The following ULK4 variants were observed in gnomAD, a reference collection of about 807,000 sequenced individuals.
ULK4 encodes unc-51 like kinase 4.
A neutral mutation model predicts 160.6 loss-of-function variants in ULK4; 133 were observed. That is an observed-to-expected ratio of 0.83 (90% CI 0.72 to 0.96). ULK4 has a LOEUF of 0.96. Ranked by LOEUF, ULK4 falls within the 40% of genes least tolerant of loss-of-function variation. The probability of loss-of-function intolerance (pLI) is 0.00; values close to 1 mark genes in which losing one functional copy is unlikely to be tolerated. For missense variants in ULK4, 1,580 were observed against 1,499.5 expected, an observed-to-expected ratio of 1.05 and a Z score of -0.89; for synonymous variants, 534 against 539.8, an observed-to-expected ratio of 0.99 and a Z score of 0.15.
chr3:41,723,299 G>C (rs185208073), intron 22 of ULK4, among the ~76,000 whole-genome samples: 9 of 151,988 alleles, frequency 5.9e-5, no homozygotes, highest in Admixed American at 1.3e-4. Context: ...TCTCCCATTG[G>C]GTTGTTGATC....
At chr3:41,598,413 A>C (rs1220575121) in intron 31 of ULK4, among the ~76,000 whole-genome samples, 11 of 152,232 alleles carry the variant, frequency 7.2e-5, no homozygotes, top group Admixed American at 7.2e-4. Context: ...AGACAGATAG[A>C]GAAACATATG....
At chr3:41,683,743 T>C (rs1053452810) in intron 27 of ULK4, among the ~76,000 whole-genome samples, 10 of 151,980 alleles carry the variant, frequency 6.6e-5, no homozygotes, top group African/African-American at 9.7e-5. Flanking sequence ...TCAACCTCAA[T>C]AGACACCCAC....
chr3:41,402,297 G>A (rs182271116), intron 34 of ULK4, among the ~76,000 whole-genome samples: 166 of 152,254 alleles, frequency 1.1e-3, no homozygotes, highest in African/African-American at 3.8e-3. Context: ...TGTGTCACCT[G>A]TAAATACAGA....
intron 34 of ULK4, among the ~76,000 whole-genome samples, chr3:41,411,624 G>T (rs1377077314): frequency 1.3e-5 from 2 of 151,800 alleles, no homozygotes; most frequent in Admixed American, 6.6e-5. Flanking sequence ...GTAGAGACAG[G>T]GTTTCACCAT....
chr3:41,623,908 A>G (rs990747712), intron 30 of ULK4, among the ~76,000 whole-genome samples: 1 of 152,204 alleles, frequency 6.6e-6, no homozygotes, highest in Non-Finnish European at 1.5e-5. Context: ...AAGTATACAC[A>G]TATCATAACA....
intron 31 of ULK4, among the ~76,000 whole-genome samples, chr3:41,601,574 G>GA (rs1471448134): frequency 6.6e-6 from 1 of 152,072 alleles, no homozygotes; most frequent in Non-Finnish European, 1.5e-5. Flanking sequence ...CTCAGCCACA[G>GA]AATCAAGGTT....
intron 1 of ULK4, among the ~76,000 whole-genome samples, chr3:41,955,255 A>G (rs1437959526): frequency 6.6e-6 from 1 of 152,252 alleles, no homozygotes; most frequent in Admixed American, 6.5e-5. Flanking sequence ...GCACCACTGC[A>G]CTCCAACCAG....
At chr3:41,446,564 A>G (rs1267945631) in intron 34 of ULK4, among the ~76,000 whole-genome samples, 2 of 152,040 alleles carry the variant, frequency 1.3e-5, no homozygotes, top group African/African-American at 4.8e-5. Context: ...GGATGAGTTC[A>G]TGTCCTTTGT....
At chr3:41,412,610 G>C (rs189747987) in intron 34 of ULK4, among the ~76,000 whole-genome samples, 96 of 141,912 alleles carry the variant, frequency 6.8e-4, no homozygotes, top group African/African-American at 2.5e-3. Flanking sequence ...GCCCAGGCTG[G>C]AGTGCAGTGT....
At chr3:41,806,503 T>C (rs1035720467) in intron 19 of ULK4, among the ~76,000 whole-genome samples, 117 of 152,328 alleles carry the variant, frequency 7.7e-4, no homozygotes, top group African/African-American at 2.8e-3. Context: ...GCTCTGATTT[T>C]AGTTATTTCT....
At chr3:41,941,025 C>T (rs1338931431) in intron 2 of ULK4, among the ~76,000 whole-genome samples, 1 of 150,816 alleles carries the variant, frequency 6.6e-6, no homozygotes, top group East Asian at 1.9e-4. Context: ...GCTTTCAATC[C>T]TGTTCTTAAC....
chr3:41,768,775 A>C (rs1313014023), intron 21 of ULK4, among the ~76,000 whole-genome samples: 2 of 152,242 alleles, frequency 1.3e-5, no homozygotes, highest in African/African-American at 2.4e-5. Flanking sequence ...AATATAACTT[A>C]AGTATATAAA....
At chr3:41,849,407 A>C (rs2042151666) in intron 17 of ULK4, among the ~76,000 whole-genome samples, 1 of 152,216 alleles carries the variant, frequency 6.6e-6, no homozygotes, top group South Asian at 2.1e-4. Context: ...GCAGCACATG[A>C]ACCACAGACT....
chr3:41,274,845 C>A (rs9814220), intron 35 of ULK4, among the ~76,000 whole-genome samples: 1 of 151,868 alleles, frequency 6.6e-6, no homozygotes, highest in African/African-American at 2.4e-5. Flanking sequence ...ATTCATGTAC[C>A]AAGGACTTCT....
intron 17 of ULK4, among the ~76,000 whole-genome samples, chr3:41,873,237 T>TATTTTTTTA (rs1370105675): frequency 5.0e-5 from 6 of 118,930 alleles, no homozygotes; most frequent in African/African-American, 1.9e-4. Context: ...TTTTTTTTTT[T>TATTTTTTTA]TTTTTTGAAA....
intron 31 of ULK4, among the ~76,000 whole-genome samples, chr3:41,588,902 C>T (rs1336323237): frequency 1.3e-5 from 2 of 152,110 alleles, no homozygotes; most frequent in Non-Finnish European, 2.9e-5. Flanking sequence ...TCGCTATTTC[C>T]ATTTAGCAAG....
At chr3:41,318,762 T>C (rs758853707) in intron 35 of ULK4, among the ~76,000 whole-genome samples, 18 of 152,178 alleles carry the variant, frequency 1.2e-4, no homozygotes, top group Non-Finnish European at 2.5e-4. Context: ...AGAGCAATTC[T>C]AGAAAAACAA....
chr3:41,892,900 T>A (rs542259606), intron 16 of ULK4, among the ~76,000 whole-genome samples: 2 of 152,234 alleles, frequency 1.3e-5, no homozygotes, highest in Non-Finnish European at 2.9e-5. Flanking sequence ...GCTAAATACA[T>A]CCCTGGTTTT....
At chr3:41,933,704 T>C (rs2148824062) in intron 4 of ULK4, among the ~76,000 whole-genome samples, 1 of 152,236 alleles carries the variant, frequency 6.6e-6, no homozygotes, top group South Asian at 2.1e-4. Context: ...GGATTTTTTT[T>C]TTAAGCCGTA....
Sources: allele counts gnomAD v4.1 joint callset (sites outside exome capture counted in the v4.1 genomes callset), GRCh38; gene constraint gnomAD v4.1.1; transcripts MANE v1.5; gene names NCBI Gene and HGNC (gene_info 2026-07-23, HGNC 2026-07-21).